The following TSHZ2 variants were observed in gnomAD, a reference collection of about 807,000 sequenced individuals.
TSHZ2 encodes the protein teashirt zinc finger homeobox 2.
TSHZ2 carries 21 observed loss-of-function variants against 74.4 expected under a neutral mutation model. That is an observed-to-expected ratio of 0.28 (90% confidence interval 0.20 to 0.41). TSHZ2 has a LOEUF of 0.41. TSHZ2 is among the 10% of genes least tolerant of loss of function. TSHZ2 has a pLI of 1.00. For synonymous variants in TSHZ2, 540 were observed against 515.3 expected, an observed-to-expected ratio of 1.05 and a Z score of -0.65; for missense variants, 1,244 against 1,293.5, an observed-to-expected ratio of 0.96 and a Z score of 0.59.
At chr20:53,115,427 C>T (rs959279616) in intron 1 of TSHZ2, among the ~76,000 whole-genome samples, 5 of 152,164 alleles carry the variant, frequency 3.3e-5, no homozygotes, top group African/African-American at 1.2e-4. Context: ...TTCCCCTGCA[C>T]ACATTCTCTC....
intron 1 of TSHZ2, among the ~76,000 whole-genome samples, chr20:53,027,217 G>A (rs1238826495): frequency 6.6e-6 from 1 of 152,048 alleles, no homozygotes; most frequent in Non-Finnish European, 1.5e-5. Flanking sequence ...TTATGGGTTA[G>A]GATGTACTTT....
chr20:52,986,484 C>G (rs1263844337), intron 1 of TSHZ2, among the ~76,000 whole-genome samples: 2 of 151,308 alleles, frequency 1.3e-5, no homozygotes, highest in African/African-American at 4.9e-5. Flanking sequence ...AATCCTAGCA[C>G]TATGGGAAGC....
intron 2 of TSHZ2, among the ~76,000 whole-genome samples, chr20:53,308,188 G>C (rs1397326476): frequency 6.6e-6 from 1 of 152,190 alleles, no homozygotes; most frequent in Non-Finnish European, 1.5e-5. Flanking sequence ...AGTCATGTTT[G>C]GTCTCCAGTT....
chr20:53,142,587 GCA>G (rs1417692176), intron 1 of TSHZ2, among the ~76,000 whole-genome samples: 1 of 152,206 alleles, frequency 6.6e-6, no homozygotes, highest in African/African-American at 2.4e-5. Context: ...GAACCAGTCA[GCA>G]CACATGTTCA....
chr20:53,034,046 T>C (rs558774271), intron 1 of TSHZ2, among the ~76,000 whole-genome samples: 136 of 152,274 alleles, frequency 8.9e-4, no homozygotes, highest in Non-Finnish European at 1.7e-3. Context: ...ATAGGACATA[T>C]TATATTCTCG....
intron 1 of TSHZ2, among the ~76,000 whole-genome samples, chr20:52,997,781 G>C (rs1020128259): frequency 6.6e-6 from 1 of 152,220 alleles, no homozygotes; most frequent in Non-Finnish European, 1.5e-5. Flanking sequence ...GCTCCAGGCA[G>C]AGGGTTTTGC....
At position 53,214,015 on chromosome 20, in the gene TSHZ2, C is replaced by T. The variant is rs73620430; in HGVS notation, c.41-39484C>T. On this transcript the variant is annotated intron_variant, in intron 1 of 2. Coordinates refer to ENST00000371497, the MANE Select transcript of TSHZ2 (RefSeq NM_173485.6). ...CGGGGAGGTCACATACACAGATAAACCATAGGTGTCGGCCTTACATTGCTT... is the reference window on the plus strand; with the variant it reads ...CGGGGAGGTCACATACACAGATAAATCATAGGTGTCGGCCTTACATTGCTT... Among the ~76,000 whole-genome samples, 26 of 152,230 alleles carry T rather than the reference C, an allele frequency of 1.7e-4. No individual in the cohort carries two copies. In the East Asian group the frequency reaches 3.3e-3, roughly 19 times the overall value.
At chr20:53,037,791 C>T (rs114157394) in intron 1 of TSHZ2, among the ~76,000 whole-genome samples, 56 of 152,274 alleles carry the variant, frequency 3.7e-4, no homozygotes, top group African/African-American at 1.3e-3. Flanking sequence ...GGGGCAGGGC[C>T]GGTGGCCCTG....
intron 2 of TSHZ2, among the ~76,000 whole-genome samples, chr20:53,430,569 C>T (rs2145731319): frequency 6.6e-6 from 1 of 152,110 alleles, no homozygotes; most frequent in East Asian, 1.9e-4. Flanking sequence ...GTGGCTCACA[C>T]CTGTAATCCT....
chr20:53,436,262 G>C (rs879919090), intron 2 of TSHZ2, among the ~76,000 whole-genome samples: 1 of 152,100 alleles, frequency 6.6e-6, no homozygotes, highest in Non-Finnish European at 1.5e-5. Context: ...GGAGATCTCT[G>C]GGATTCTCCT....
intron 2 of TSHZ2, among the ~76,000 whole-genome samples, chr20:53,307,819 A>T (rs1978608434): frequency 6.6e-6 from 1 of 152,130 alleles, no homozygotes; most frequent in African/African-American, 2.4e-5. Context: ...TTCTAATGTG[A>T]TCTGGGCGGC....
chr20:53,269,295 T>C (rs1990780833), intron 2 of TSHZ2, among the ~76,000 whole-genome samples: 1 of 151,594 alleles, frequency 6.6e-6, no homozygotes, highest in Non-Finnish European at 1.5e-5. Flanking sequence ...ATGGTGCCAC[T>C]TTATTTGAAG....
At chr20:52,986,455 C>T (rs112670302) in intron 1 of TSHZ2, among the ~76,000 whole-genome samples, 2 of 149,082 alleles carry the variant, frequency 1.3e-5, no homozygotes, top group African/African-American at 5.0e-5. Context: ...CAGGGCAGGG[C>T]ATGGTGGCTC....
chr20:53,014,466 A>G (rs1387747667), intron 1 of TSHZ2, among the ~76,000 whole-genome samples: 1 of 152,088 alleles, frequency 6.6e-6, no homozygotes, highest in Non-Finnish European at 1.5e-5. Context: ...CTATTTATGG[A>G]GCATTAGTTA....
intron 1 of TSHZ2, among the ~76,000 whole-genome samples, chr20:53,248,241 T>C (rs1463637628): frequency 1.3e-5 from 2 of 151,894 alleles, no homozygotes; most frequent in African/African-American, 4.8e-5. Context: ...TGGCTATTTT[T>C]TTTTTATTTT....
At chr20:53,028,441 C>A (rs185276427) in intron 1 of TSHZ2, among the ~76,000 whole-genome samples, 2 of 152,258 alleles carry the variant, frequency 1.3e-5, no homozygotes, top group Non-Finnish European at 2.9e-5. Flanking sequence ...TGTTTATTGC[C>A]TAACACCTTG....
intron 1 of TSHZ2, among the ~76,000 whole-genome samples, chr20:53,117,843 A>T (rs1343917568): frequency 6.6e-6 from 1 of 152,224 alleles, no homozygotes. Flanking sequence ...GGACAAATTC[A>T]GTATGTTTCT....
intron 2 of TSHZ2, among the ~76,000 whole-genome samples, chr20:53,350,312 T>C (rs1158985623): frequency 6.6e-6 from 1 of 152,256 alleles, no homozygotes; most frequent in East Asian, 1.9e-4. Context: ...TATCTCTCAG[T>C]GCAACTCTGT....
chr20:53,482,510 A>T (rs6097450), intron 2 of TSHZ2, among the ~76,000 whole-genome samples: 1 of 152,112 alleles, frequency 6.6e-6, no homozygotes, highest in East Asian at 1.9e-4. Flanking sequence ...CTTGGTTTTC[A>T]CACAGGAATC....
Sources: allele counts gnomAD v4.1 joint callset (sites outside exome capture counted in the v4.1 genomes callset), GRCh38; gene constraint gnomAD v4.1.1; transcripts MANE v1.5; gene names NCBI Gene and HGNC (gene_info 2026-07-23, HGNC 2026-07-21).